Variants in KRT8 observed in about 807,000 individuals in gnomAD.
The protein encoded by KRT8 is keratin 8.
A neutral mutation model predicts 43.0 loss-of-function variants in KRT8; 24 were observed. That is an observed-to-expected ratio of 0.56 (90% CI 0.40 to 0.78). The LOEUF (loss-of-function observed/expected upper bound fraction) is 0.78. Among genes scored for constraint, KRT8 ranks in the 30% least tolerant of loss-of-function variants. The pLI is 0.00. For synonymous variants in KRT8, 214 were observed against 261.2 expected (o/e 0.82, Z 1.74); for missense variants, 492 against 638.4 (o/e 0.77, Z 2.47).
chr12:52,938,574 C>T (rs904750204), intron 2 of KRT8, among the ~76,000 whole-genome samples: 3 of 151,506 alleles, frequency 2.0e-5, no homozygotes, highest in South Asian at 2.1e-4. Context: ...CCCAATAGTT[C>T]GAGACAAGCC....
At chr12:52,908,403 C>T (rs1941566968), upstream of KRT8, among the ~76,000 whole-genome samples, 2 of 152,092 alleles carry the variant, frequency 1.3e-5, no homozygotes, top group Admixed American at 1.3e-4. Context: ...AGAGTGGGAA[C>T]AAAACAAATG....
intron 2 of KRT8, among the ~76,000 whole-genome samples, chr12:52,940,622 T>C (rs1248367440): frequency 1.6e-5 from 2 of 128,110 alleles, no homozygotes; most frequent in Non-Finnish European, 3.3e-5. Context: ...AAGAACACAG[T>C]GGATTTTTTT....
chr12:52,918,801 TC>T (rs1308697556), intron 2 of KRT8, among the ~76,000 whole-genome samples: 1 of 151,920 alleles, frequency 6.6e-6, no homozygotes, highest in Admixed American at 6.6e-5. Flanking sequence ...CCACACAATT[TC>T]CCCCATTCCC....
chr12:52,947,945 A>T (rs1942375225), intron 2 of KRT8: 2 of 152,028 alleles, frequency 1.3e-5, no homozygotes, highest in African/African-American at 4.8e-5. Flanking sequence ...GGCTCACAGT[A>T]GGTGCTGAAT....
intron 7 of KRT8, among the ~76,000 whole-genome samples, chr12:52,898,121 C>T (rs572440670): frequency 1.3e-5 from 2 of 152,246 alleles, no homozygotes; most frequent in East Asian, 1.9e-4. Flanking sequence ...GCTGAGATCA[C>T]GCCACTGCAC....
chr12:52,916,903 G>T (rs1337117837), intron 2 of KRT8, among the ~76,000 whole-genome samples: 2 of 152,164 alleles, frequency 1.3e-5, no homozygotes, highest in Non-Finnish European at 2.9e-5. Context: ...GAGACATAGC[G>T]CAGGAGCTGG....
chr12:52,908,589 CAT>C (rs903817424), upstream of KRT8, among the ~76,000 whole-genome samples: 14 of 152,118 alleles, frequency 9.2e-5, no homozygotes, highest in African/African-American at 2.4e-5. Flanking sequence ...ATTTATATGA[CAT>C]GTGCACAACA....
chr12:52,925,844 C>A (rs1006154319), intron 2 of KRT8, among the ~76,000 whole-genome samples: 1 of 152,244 alleles, frequency 6.6e-6, no homozygotes, highest in African/African-American at 2.4e-5. Context: ...AGCCTACCAA[C>A]AAAGGGACCC....
chr12:52,923,225 G>A (rs1205286429), intron 2 of KRT8, among the ~76,000 whole-genome samples: 1 of 152,180 alleles, frequency 6.6e-6, no homozygotes, highest in East Asian at 1.9e-4. Flanking sequence ...TTTGAGAATT[G>A]TTTTAGACTA....
chr12:52,947,409 T>A (rs1379132336), intron 2 of KRT8: 1 of 152,272 alleles, frequency 6.6e-6, no homozygotes, highest in Non-Finnish European at 1.5e-5. Flanking sequence ...GTCGCTGCTA[T>A]GATGGTCCTA....
upstream of KRT8, among the ~76,000 whole-genome samples, chr12:52,911,464 A>G: frequency 6.6e-6 from 1 of 152,242 alleles, no homozygotes; most frequent in East Asian, 1.9e-4. Context: ...CAAGTCCCTA[A>G]TGGCCTTTAC....
At chr12:52,923,181 A>C (rs1007657427) in intron 2 of KRT8, among the ~76,000 whole-genome samples, 5 of 152,232 alleles carry the variant, frequency 3.3e-5, no homozygotes, top group African/African-American at 1.2e-4. Context: ...AAGGTTTATG[A>C]TGAAAATTAA....
rs564973422 is a variant in KRT8, at chr12:52,931,416, C to G, written c.-47+18040G>C. Among the ~76,000 whole-genome samples, 5 of 152,122 alleles carry G rather than the reference C, an allele frequency of 3.3e-5. No individual in the cohort carries two copies. In the South Asian group the frequency reaches 1.0e-3, roughly 32 times the overall value. ...GTTTCCCTTGGTTTTTGGTAATTTC[C>G]TAGGGAACTTGTTGTAGAGATCCAG... On this transcript the variant is annotated intron_variant, in intron 2 of 6. Transcript: ENST00000546826.
intron 2 of KRT8, among the ~76,000 whole-genome samples, chr12:52,912,796 G>A (rs1941661063): frequency 6.6e-6 from 1 of 152,176 alleles, no homozygotes; most frequent in Non-Finnish European, 1.5e-5. Flanking sequence ...CAAATGAAAG[G>A]GTCTGCTGAA....
exon 4 of KRT8, chr12:52,900,606 G>A (rs748339103): frequency 5.0e-6 from 8 of 1,610,818 alleles, no homozygotes; most frequent in Non-Finnish European, 6.8e-6. Flanking sequence ...ATAGCTGCCT[G>A]AGGAAGTTGA....
chr12:52,904,930 G>C lies in KRT8; in HGVS notation c.52C>G (p.Arg18Gly), dbSNP rs11554484. The change falls in exon 1 of 8, where the codon CGG becomes GGG. Residue 18 changes from arginine to glycine, a missense_variant. This residue lies in a region of KRT8 where 84 missense variants were observed against 97.6 expected (regional missense o/e 0.86). Transcript: ENST00000692008. ...GTGTAGGAGCGGCTGCTGAAGGCCC[G>C]GGGGCCAGAGGTGGACACCTTGTAG... is the stretch of plus-strand genomic sequence containing the variant. 1.4e-5 allele frequency: 23 copies of C among 1,612,002 alleles called. No homozygotes were observed. In the Admixed American group the frequency reaches 2.2e-4, roughly 15 times the overall value.
intron 2 of KRT8, among the ~76,000 whole-genome samples, chr12:52,923,091 C>G (rs977433406): frequency 1.3e-5 from 2 of 152,204 alleles, no homozygotes; most frequent in African/African-American, 4.8e-5. Flanking sequence ...CTGACCCTCC[C>G]TCACATCATT....
intron 2 of KRT8, among the ~76,000 whole-genome samples, chr12:52,935,402 A>AAG (rs1942153344): frequency 6.9e-6 from 1 of 143,940 alleles, no homozygotes; most frequent in Admixed American, 7.1e-5. Flanking sequence ...AAAAAAAAAA[A>AAG]AAAAAAAAGG....
chr12:52,933,496 G>A (rs945379942), intron 2 of KRT8, among the ~76,000 whole-genome samples: 2 of 152,136 alleles, frequency 1.3e-5, no homozygotes, highest in African/African-American at 4.8e-5. Context: ...ACTTGGAATT[G>A]ATCTGCAAGT....
Sources: gnomAD v4.1 joint callset for allele counts (sites outside exome capture counted in the v4.1 genomes callset) on GRCh38, gnomAD v4.1.1 for gene constraint, gnomAD v4.1.1 regional missense constraint, MANE v1.5 for transcripts, NCBI Gene and HGNC (gene_info 2026-07-23, HGNC 2026-07-21) for gene names.